The following MSR1 variants were observed in gnomAD, a reference collection of about 807,000 sequenced individuals.
MSR1 encodes the protein macrophage scavenger receptor types I and II.
In MSR1, 53 loss-of-function variants were observed where a neutral mutation model predicts 47.2. The ratio of observed to expected loss-of-function variants is 1.12; its 90% CI spans 0.90 to 1.41. The LOEUF (loss-of-function observed/expected upper bound fraction) is 1.41, where lower values mean the gene tolerates loss of function less well. MSR1 is among the 40% of genes most tolerant of loss of function. The pLI, the probability that MSR1 is intolerant of heterozygous loss-of-function variation, is 0.00. For missense variants in MSR1, 786 were observed against 546.9 expected (o/e 1.44, Z -4.36); for synonymous variants, 239 against 185.6 (o/e 1.29, Z -2.34).
At chr8:16,186,170 G>C (rs763249142) in intron 1 of MSR1, 136 of 1,534,792 alleles carry the variant, frequency 8.9e-5, no homozygotes, top group Non-Finnish European at 1.1e-4. Context: ...GTTTTTTGTT[G>C]AGAAGAGAGA....
At chr8:16,157,971 A>G (rs368031658) in intron 5 of MSR1, among the ~76,000 whole-genome samples, 2 of 151,954 alleles carry the variant, frequency 1.3e-5, no homozygotes, top group African/African-American at 4.8e-5. Context: ...ATAAAGACTT[A>G]GAGTCTCTTG....
rs1192721809 is a variant in MSR1, at chr8:16,168,663, T to G, written c.425A>C (p.Gln142Pro). ...TTGATCAGTTGTCATGCTGAAATTT[T>G]GGAAATGCTCTGTGTCCATGAGGTT... ...EANLMDTEHFQNFSMTTDQRF... is the reference protein window; with the variant it reads ...EANLMDTEHFPNFSMTTDQRF... The change falls in exon 4 of 10, where the codon CAA becomes CCA. Residue 142 changes from glutamine (Q) to proline (P), a missense_variant. Coordinates refer to ENST00000262101, the MANE Select transcript of MSR1 (RefSeq NM_138715.3). 1 of 1,614,184 alleles carries G rather than the reference T, an allele frequency of 6.2e-7. No homozygotes were observed. The highest frequency in any genetic ancestry group is 1.1e-5 in the South Asian group (1 of 91,080).
At chr8:16,172,631 G>C (rs369206081) in intron 3 of MSR1, among the ~76,000 whole-genome samples, 2 of 151,798 alleles carry the variant, frequency 1.3e-5, no homozygotes, top group Admixed American at 6.6e-5. Flanking sequence ...ACCCCAAATG[G>C]ATATTGTTTT....
chr8:16,143,502 T>A (rs1423967936), intron 8 of MSR1, 56 bp downstream of exon 8: 1 of 1,496,120 alleles, frequency 6.7e-7, no homozygotes, highest in Non-Finnish European at 9.3e-7. Flanking sequence ...ATCTCTAGTA[T>A]CACAGACTTA....
At chr8:16,166,037 A>T (rs1314185363) in intron 4 of MSR1, among the ~76,000 whole-genome samples, 4 of 152,100 alleles carry the variant, frequency 2.6e-5, no homozygotes, top group African/African-American at 9.7e-5. Context: ...AATTGCTGCA[A>T]GTATGTCGGG....
At chr8:16,147,982 G>C (rs970492689) in intron 7 of MSR1, among the ~76,000 whole-genome samples, 2 of 152,116 alleles carry the variant, frequency 1.3e-5, no homozygotes, top group Non-Finnish European at 1.5e-5. Context: ...AGAAACTCTG[G>C]GGTGGAGTCC....
chr8:16,110,303 T>A, intron 9 of MSR1, 85 bp from the exon 10 acceptor site: 3 of 1,450,242 alleles, frequency 2.1e-6, no homozygotes, highest in African/African-American at 1.4e-5. Flanking sequence ...ATTCCTTCAC[T>A]AATTAAACAA....
chr8:16,139,522 C>A lies in MSR1; in HGVS notation c.1033+4036G>T, dbSNP rs369528333. 2.5e-4 allele frequency: 247 copies of A among 983,854 alleles called. No homozygotes were observed. In the African/African-American group the frequency reaches 4.1e-3, roughly 16 times the overall value. The allele number at this position is 983,854 out of a possible 1,614,324, so 60.9% of individuals were successfully genotyped here. A position where few individuals can be genotyped will look rare whatever the true frequency, so the allele number is the denominator to read the frequency against. ...TGAATCTTGGGTCTGTGTGTTAAAA[C>A]GTAAAGGAAAGAAGAGTTGTGAAAA... On this transcript the variant is annotated intron_variant, in intron 8 of 9. Coordinates refer to ENST00000262101, the MANE Select transcript of MSR1 (RefSeq NM_138715.3).
chr8:16,166,948 C>T (rs971598925), intron 4 of MSR1, among the ~76,000 whole-genome samples: 51 of 151,990 alleles, frequency 3.4e-4, no homozygotes, highest in African/African-American at 1.2e-3. Flanking sequence ...CACACACACA[C>T]ACACACACAC....
intron 4 of MSR1, among the ~76,000 whole-genome samples, chr8:16,164,815 T>G (rs1801259736): frequency 6.6e-6 from 1 of 152,088 alleles, no homozygotes. Context: ...ATTAGTATTT[T>G]GTGTTTTCAA....
At chr8:16,118,726 A>T (rs983182619) in intron 9 of MSR1, among the ~76,000 whole-genome samples, 5 of 152,048 alleles carry the variant, frequency 3.3e-5, no homozygotes, top group African/African-American at 4.8e-5. Flanking sequence ...CAATGTGGAA[A>T]CTCAGATTGG....
At chr8:16,151,324 G>C (rs1227528269) in intron 6 of MSR1, among the ~76,000 whole-genome samples, 1 of 151,988 alleles carries the variant, frequency 6.6e-6, no homozygotes, top group East Asian at 1.9e-4. Context: ...TACAAATCAA[G>C]TACATTTTCA....
chr8:16,139,730 G>A lies in MSR1; in HGVS notation c.1033+3828C>T, dbSNP rs73665213. The stretch of plus-strand genomic sequence containing the variant: ...TGGGTTGGATAAATTGCCCAAGCTC[G>A]ACTACACTTCAAAACTTAAAAAAAA... On this transcript the variant is annotated intron_variant, in intron 8 of 9. Transcript: ENST00000262101. 2.1e-4 allele frequency: 123 copies of A among 572,710 alleles called. No homozygotes were observed. The African/African-American group carries it at 2.5e-3, about 12-fold the overall frequency. The allele number at this position is 572,710 out of a possible 1,614,324, so 35.5% of individuals were successfully genotyped here. A position where few individuals can be genotyped will look rare whatever the true frequency, so the allele number is the denominator to read the frequency against.
chr8:16,155,539 T>C (rs1239641097), intron 5 of MSR1, among the ~76,000 whole-genome samples: 4 of 151,964 alleles, frequency 2.6e-5, no homozygotes, highest in Admixed American at 6.6e-5. Context: ...AATCTATAAG[T>C]AAGAACTTAA....
At chr8:16,191,511 A>T (rs541380924) in intron 1 of MSR1, among the ~76,000 whole-genome samples, 1 of 152,300 alleles carries the variant, frequency 6.6e-6, no homozygotes, top group Admixed American at 6.5e-5. Flanking sequence ...CTGTTATTTT[A>T]AAATATCACT....
chr8:16,165,224 T>A (rs1413366656), intron 4 of MSR1, among the ~76,000 whole-genome samples: 1 of 152,134 alleles, frequency 6.6e-6, no homozygotes, highest in Non-Finnish European at 1.5e-5. Flanking sequence ...TCTCCAAATA[T>A]ATGCTACCAT....
At chr8:16,185,008 C>A (rs184916918) in intron 1 of MSR1, among the ~76,000 whole-genome samples, 1 of 152,156 alleles carries the variant, frequency 6.6e-6, no homozygotes, top group Non-Finnish European at 1.5e-5. Context: ...GAGGTGAACA[C>A]TGAAGCATAC....
intron 8 of MSR1, among the ~76,000 whole-genome samples, chr8:16,127,931 C>T (rs1286291034): frequency 6.6e-6 from 1 of 152,160 alleles, no homozygotes; most frequent in Non-Finnish European, 1.5e-5. Context: ...TCATTAATCC[C>T]ATCACCATTG....
chr8:16,163,029 T>C (rs1801204618), intron 5 of MSR1, among the ~76,000 whole-genome samples: 1 of 152,056 alleles, frequency 6.6e-6, no homozygotes, highest in Admixed American at 6.6e-5. Context: ...CAGTTCCTTG[T>C]GTATTTTAGG....
Sources: gnomAD v4.1 joint callset for allele counts (sites outside exome capture counted in the v4.1 genomes callset) on GRCh38, gnomAD v4.1.1 for gene constraint, MANE v1.5 for transcripts, NCBI Gene and HGNC (gene_info 2026-07-23, HGNC 2026-07-21) for gene names.